Variants in CWF19L1 observed in about 807,000 individuals in gnomAD.
The protein encoded by CWF19L1 is CWF19-like protein 1.
A neutral mutation model predicts 69.7 loss-of-function variants in CWF19L1; 60 were observed. The ratio of observed to expected loss-of-function variants is 0.86; its 90% confidence interval spans 0.70 to 1.07. CWF19L1 has a LOEUF of 1.07. Among genes scored for constraint, CWF19L1 ranks in the 50% least tolerant of loss-of-function variants. The pLI is 0.00. For missense variants in CWF19L1, 591 were observed against 638.9 expected (o/e 0.92, Z 0.81); for synonymous variants, 209 against 222.2 (o/e 0.94, Z 0.53).
At chr10:100,265,440 TG>T (rs1847542066) in intron 1 of CWF19L1, among the ~76,000 whole-genome samples, 1 of 151,444 alleles carries the variant, frequency 6.6e-6, no homozygotes, top group Non-Finnish European at 1.5e-5. Context: ...CTTTCAGTTC[TG>T]CAAACTCCAT....
At chr10:100,251,781 G>A (rs1847044203) in intron 6 of CWF19L1, among the ~76,000 whole-genome samples, 1 of 152,110 alleles carries the variant, frequency 6.6e-6, no homozygotes, top group Non-Finnish European at 1.5e-5. Flanking sequence ...AAAGTGCTGG[G>A]ATTACAGGCG....
At chr10:100,239,130 A>G (rs1846555302) in intron 10 of CWF19L1, among the ~76,000 whole-genome samples, 1 of 152,176 alleles carries the variant, frequency 6.6e-6, no homozygotes, top group South Asian at 2.1e-4. Flanking sequence ...GGGTAGAAGG[A>G]AAGTAAAACC....
chr10:100,267,098 T>A (rs1011878119), intron 1 of CWF19L1, among the ~76,000 whole-genome samples: 5 of 145,934 alleles, frequency 3.4e-5, no homozygotes, highest in Non-Finnish European at 5.9e-5. Context: ...CAATAAATAC[T>A]TGCTGCATGA....
intron 10 of CWF19L1, among the ~76,000 whole-genome samples, chr10:100,242,810 A>G (rs1193109176): frequency 6.6e-6 from 1 of 152,264 alleles, no homozygotes; most frequent in Non-Finnish European, 1.5e-5. Flanking sequence ...AAATCACTTT[A>G]AATGGTAATT....
intron 9 of CWF19L1, 61 bp downstream of exon 9, chr10:100,245,738 A>G: frequency 7.4e-7 from 1 of 1,356,730 alleles, no homozygotes; most frequent in Non-Finnish European, 1.0e-6. Flanking sequence ...CTGCTTTCCA[A>G]AGAAAAGCCA....
At chr10:100,245,233 G>T (rs910303268) in intron 9 of CWF19L1, among the ~76,000 whole-genome samples, 2 of 151,974 alleles carry the variant, frequency 1.3e-5, no homozygotes, top group African/African-American at 4.8e-5. Flanking sequence ...ATGTTGGCCA[G>T]ACTGGTCTCA....
At chr10:100,246,749 A>G in intron 8 of CWF19L1, 46 bp downstream of exon 8, 1 of 1,554,680 alleles carries the variant, frequency 6.4e-7, no homozygotes, top group Non-Finnish European at 8.7e-7. Context: ...AACTATAACT[A>G]GGAAAAGAAC....
intron 8 of CWF19L1, 92 bp from the exon 9 acceptor site, chr10:100,246,005 T>C: frequency 1.1e-6 from 1 of 888,824 alleles, no homozygotes; most frequent in Non-Finnish European, 1.8e-6. Context: ...ATTCCTGCCA[T>C]GCCATACCTA....
In CWF19L1 at chr10:100,233,161, T is replaced by C. The variant is rs1846329523; in HGVS notation, c.*66A>G. The C allele has an allele frequency of 3.4e-6, 5 of 1,472,956 alleles. No homozygotes were observed. The highest frequency in any genetic ancestry group is 1.8e-6 in the Non-Finnish European group (2 of 1,098,890). 91.2% of individuals were successfully genotyped at this position (1,472,956 alleles called of 1,614,324 possible). ...AGACTTTGTCTCAAAAAAAATTCTT[T>C]TAATTAAAAAAAAAAAAAAGCTTTA... On this transcript the variant is annotated 3_prime_UTR_variant, in exon 14 of 14. Transcript: ENST00000354105.
At position 100,233,391 on chromosome 10, in the gene CWF19L1, A is replaced by T; in HGVS notation, c.1473-20T>A. 1 of 1,604,856 alleles carries T rather than the reference A, an allele frequency of 6.2e-7. No individual in the cohort carries two copies. Among genetic ancestry groups the T allele is most frequent in the Non-Finnish European group, 8.5e-7 (1 of 1,175,014 alleles). On this transcript the variant is annotated intron_variant, in intron 13 of 13. Transcript: ENST00000354105. ...ACCTCCCTGCAGAAATAGCACAAAG[A>T]AGTCAAAATGGAAACTATCAGCCTG... is the stretch of plus-strand genomic sequence containing the variant.
chr10:100,259,264 A>G (rs1328423737), intron 4 of CWF19L1, among the ~76,000 whole-genome samples: 2 of 152,054 alleles, frequency 1.3e-5, no homozygotes, highest in East Asian at 1.9e-4. Flanking sequence ...AGGTGGGGGG[A>G]AAACAAAAGC....
Position 100,245,802 on chromosome 10 carries a change from G to C in CWF19L1, c.961C>G (p.Pro321Ala). The C allele has an allele frequency of 6.2e-7, 1 of 1,612,306 alleles. No homozygotes were observed. Among genetic ancestry groups the C allele is most frequent in the Non-Finnish European group, 8.5e-7 (1 of 1,178,376 alleles). Residue 321 changes from proline (P) to alanine (A), a missense_variant, in exon 9 of 14, where the codon CCT becomes GCT. By Grantham distance (27) the Pro-to-Ala change is conservative (BLOSUM62 -1). Transcript: ENST00000354105. Reference sequence around the variant, plus strand: ...CCTCTGGAATAAAGGTACTTACGAGGTTTGCGAGGCTGCTTTGGATGAGGA... The same window carrying C: ...CCTCTGGAATAAAGGTACTTACGAGCTTTGCGAGGCTGCTTTGGATGAGGA... ...SSPHPKQPRK[P>A]PQPPGPCWFC... is the part of the protein sequence containing the mutation.
intron 10 of CWF19L1, among the ~76,000 whole-genome samples, chr10:100,238,802 TG>T (rs1008485129): frequency 3.9e-5 from 6 of 152,042 alleles, no homozygotes; most frequent in Non-Finnish European, 8.8e-5. Context: ...TGTGATGGCA[TG>T]TGCCTGTAGT....
chr10:100,258,659 T>C (rs1847290794), intron 4 of CWF19L1: 1 of 152,162 alleles, frequency 6.6e-6, no homozygotes, highest in African/African-American at 2.4e-5. Context: ...TGCAAATTCA[T>C]GAAGAGTTCC....
At chr10:100,245,730 G>A in intron 9 of CWF19L1, 69 bp downstream of exon 9, 1 of 1,194,490 alleles carries the variant, frequency 8.4e-7, no homozygotes, top group Non-Finnish European at 1.2e-6. Flanking sequence ...TAGCAATGCT[G>A]CTTTCCAAAG....
At position 100,260,306 on chromosome 10, in the gene CWF19L1, T is replaced by C. The variant is rs373832407; in HGVS notation, c.201A>G (p.Thr67=). 3.7e-6 allele frequency: 6 copies of C among 1,604,942 alleles called. No homozygotes were observed. Among genetic ancestry groups the C allele is most frequent in the Middle Eastern group, 1.7e-4 (1 of 6,034 alleles). Residue 67 remains threonine, a synonymous_variant, in exon 4 of 14, where the codon ACA becomes ACG. Coordinates refer to ENST00000354105, the MANE Select transcript of CWF19L1 (RefSeq NM_018294.6). ...KTGIKKAPIQ[T]YVLGANNQET... ...CCTGGTTATTAGCACCAAGCACATATGTCTGAATAGGAGCTAGTGAGGGAA... is the reference window on the plus strand; with the variant it reads ...CCTGGTTATTAGCACCAAGCACATACGTCTGAATAGGAGCTAGTGAGGGAA...
rs1847641298 is a variant in CWF19L1 at position 100,267,525 on chromosome 10, C to T, written c.23+46G>A. On this transcript the variant is annotated intron_variant, in intron 1 of 13. Coordinates refer to ENST00000354105, the MANE Select transcript of CWF19L1 (RefSeq NM_018294.6). ...TCCCGCCCGTGTCGTCACCTACACA[C>T]ACGAAAGAGACACAGGGAGAGAGGC... 6 of 1,613,986 alleles carry T rather than the reference C, an allele frequency of 3.7e-6. No homozygotes were observed. In the South Asian group the frequency reaches 5.5e-5, roughly 15 times the overall value.
At chr10:100,252,022 T>C (rs1468371209) in intron 6 of CWF19L1, among the ~76,000 whole-genome samples, 2 of 152,114 alleles carry the variant, frequency 1.3e-5, no homozygotes. Context: ...GTAAGGGGGG[T>C]ATTCTCTTCT....
At chr10:100,248,689 C>A in intron 7 of CWF19L1, 2 of 982,718 alleles carry the variant, frequency 2.0e-6, no homozygotes, top group Non-Finnish European at 3.2e-6. Context: ...CTAAAGAGAG[C>A]TGGTCTCCAG....
Sources: allele counts gnomAD v4.1 joint callset (sites outside exome capture counted in the v4.1 genomes callset), GRCh38; gene constraint gnomAD v4.1.1; transcripts MANE v1.5; gene names NCBI Gene and HGNC (gene_info 2026-07-23, HGNC 2026-07-21).